The following RTN4IP1 variants were observed in gnomAD, a reference collection of about 807,000 sequenced individuals.
RTN4IP1 encodes reticulon 4 interacting protein 1, also known as NAD(P)H oxidoreductase RTN4IP1, mitochondrial.
In RTN4IP1, 32 loss-of-function variants were observed where a neutral mutation model predicts 46.6. That is an observed-to-expected ratio of 0.69 (90% CI 0.52 to 0.92). The LOEUF is 0.92. RTN4IP1 is among the 40% of genes least tolerant of loss of function. The pLI is 0.00. For synonymous variants in RTN4IP1, 167 were observed against 161.8 expected, an observed-to-expected ratio of 1.03 and a Z score of -0.24; for missense variants, 424 against 485.8, an observed-to-expected ratio of 0.87 and a Z score of 1.20.
Position 106,621,413 on chromosome 6 carries a change from T to G in RTN4IP1, c.495+12A>C, listed in dbSNP as rs1316218196. ...AACTTTCTAATGCATTTCAGCAGAG[T>G]TGGTAAGTTACCTCATTCCCACTGA... On this transcript the variant is annotated intron_variant, in intron 3 of 8. Transcript: ENST00000369063. 3.1e-6 allele frequency: 5 copies of G among 1,599,352 alleles called. No individual in the cohort carries two copies. The highest frequency in any genetic ancestry group is 4.3e-6 in the Non-Finnish European group (5 of 1,166,768).
intron 5 of RTN4IP1, among the ~76,000 whole-genome samples, chr6:106,597,758 A>G (rs1234693539): frequency 6.6e-6 from 1 of 150,390 alleles, no homozygotes; most frequent in Non-Finnish European, 1.5e-5. Flanking sequence ...GGTTAGTTAC[A>G]TATGTATACA....
At chr6:106,609,703 A>T (rs928039512) in intron 4 of RTN4IP1, among the ~76,000 whole-genome samples, 15 of 152,388 alleles carry the variant, frequency 9.8e-5, no homozygotes, top group African/African-American at 3.6e-4. Context: ...GATACTAAAT[A>T]TAATGGCTAC....
Position 106,605,609 on chromosome 6 carries a change from C to T in RTN4IP1, c.621-2687G>A, listed in dbSNP as rs369447454. 3.7e-4 allele frequency among the ~76,000 whole-genome samples: 56 copies of T among 151,678 alleles called. 2 individuals carry two copies. The South Asian group carries it at 0.011, about 29-fold the overall frequency. The stretch of plus-strand genomic sequence containing the variant: ...TGGGCAGATCACGAGGTCAGGAGAT[C>T]GAGACCATCCTGGCTAACATGGTGA... On this transcript the variant is annotated intron_variant, in intron 4 of 8. Coordinates refer to ENST00000369063, the MANE Select transcript of RTN4IP1 (RefSeq NM_032730.5).
chr6:106,602,779 C>A, intron 5 of RTN4IP1, 95 bp downstream of exon 5: 1 of 811,892 alleles, frequency 1.2e-6, no homozygotes, highest in East Asian at 2.8e-5. Flanking sequence ...CCAGACCTAC[C>A]TTTCTCTCAG....
At chr6:106,604,579 T>C (rs183192181) in intron 4 of RTN4IP1, among the ~76,000 whole-genome samples, 1 of 152,244 alleles carries the variant, frequency 6.6e-6, no homozygotes, top group East Asian at 1.9e-4. Flanking sequence ...TCAGAAGGAA[T>C]GCTATTTTCT....
chr6:106,580,876 A>T (rs1016757296), intron 8 of RTN4IP1, among the ~76,000 whole-genome samples: 1 of 152,126 alleles, frequency 6.6e-6, no homozygotes, highest in African/African-American at 2.4e-5. Flanking sequence ...GACTGAAATT[A>T]AACAAATTAT....
chr6:106,629,483 G>T lies in RTN4IP1; in HGVS notation c.-462C>A. 2 of 718,740 alleles carry T rather than the reference G, an allele frequency of 2.8e-6. No individual in the cohort carries two copies. Among genetic ancestry groups the T allele is most frequent in the Non-Finnish European group, 4.5e-6 (2 of 448,256 alleles). 44.5% of individuals were successfully genotyped at this position (718,740 alleles called of 1,614,324 possible). A position where few individuals can be genotyped will look rare whatever the true frequency, so the allele number is the denominator to read the frequency against. ...CCTTGCCTGCCCGCTCTCCTTAGCCGCCGGGATGGCTTTGCGGCGCCAACC... is the reference window on the plus strand; with the variant it reads ...CCTTGCCTGCCCGCTCTCCTTAGCCTCCGGGATGGCTTTGCGGCGCCAACC... On this transcript the variant is annotated 5_prime_UTR_variant, in exon 1 of 9. Transcript: ENST00000369063.
upstream of RTN4IP1, chr6:106,629,625 G>C (rs1776763871): frequency 1.0e-5 from 16 of 1,568,644 alleles, no homozygotes; most frequent in Non-Finnish European, 1.4e-5. Flanking sequence ...CTAGCGACCG[G>C]TGACCTCTTT....
chr6:106,598,655 A>G (rs189639948), intron 5 of RTN4IP1, among the ~76,000 whole-genome samples: 45 of 151,944 alleles, frequency 3.0e-4, no homozygotes, highest in Non-Finnish European at 5.7e-4. Flanking sequence ...CTGCCTGTTC[A>G]CTCTGATGGT....
At chr6:106,629,785 T>C, upstream of RTN4IP1, 1 of 1,528,182 alleles carries the variant, frequency 6.5e-7, no homozygotes, top group Non-Finnish European at 8.9e-7. Flanking sequence ...CCCTGGGCCT[T>C]ACCACGCATC....
At chr6:106,622,697 C>CAGA (rs1339814580) in intron 2 of RTN4IP1, 121 bp downstream of exon 2, 2 of 986,640 alleles carry the variant, frequency 2.0e-6, no homozygotes, top group East Asian at 5.3e-5. Context: ...ATTCAGGGAG[C>CAGA]AGAAGCCCCT....
chr6:106,574,180 C>T (rs1445347464), intron 8 of RTN4IP1, among the ~76,000 whole-genome samples: 1 of 152,148 alleles, frequency 6.6e-6, no homozygotes, highest in Non-Finnish European at 1.5e-5. Flanking sequence ...TGCAGTGGCT[C>T]ACATCTGTAA....
rs1431841889 is a variant in RTN4IP1 at position 106,571,206 on chromosome 6, A to C, written c.*790T>G. On this transcript the variant is annotated 3_prime_UTR_variant, in exon 9 of 9. Transcript: ENST00000369063. ...CAATATTAAGAGCATAAACAAATGA[A>C]TCACCAGGCAGATTTTTATATATGA... The C allele has an allele frequency of 6.6e-6, 1 of 152,240 alleles. No individual in the cohort carries two copies. The highest frequency in any genetic ancestry group is 1.5e-5 in the Non-Finnish European group (1 of 68,038). 9.4% of individuals were successfully genotyped at this position (152,240 alleles called of 1,614,324 possible).
chr6:106,572,293 C>G (rs1775087611), intron 8 of RTN4IP1, 190 bp from the exon 9 acceptor site: 2 of 588,380 alleles, frequency 3.4e-6, no homozygotes, highest in South Asian at 2.1e-5. Flanking sequence ...TGCTGCTTCT[C>G]TCTTTATGGC....
rs766597748 is a variant in RTN4IP1, at chr6:106,587,850, G to C, written c.819C>G (p.Ile273Met). The change falls in exon 7 of 9, where the codon ATC becomes ATG. Residue 273 changes from isoleucine (I) to methionine (M), a missense_variant. Coordinates refer to ENST00000369063, the MANE Select transcript of RTN4IP1 (RefSeq NM_032730.5). ...CAGTGGATCCGCCAACATTATCAAG[G>C]ATAAAATCAAATCTGGAGAGGAAGA... ...QLKSLKPFDFILDNVGGSTET... is the reference protein window; with the variant it reads ...QLKSLKPFDFMLDNVGGSTET... The C allele has an allele frequency of 6.2e-7, 1 of 1,612,106 alleles. No individual in the cohort carries two copies. Among genetic ancestry groups the C allele is most frequent in the Non-Finnish European group, 8.5e-7 (1 of 1,178,996 alleles).
chr6:106,585,675 A>G (rs1419654917), intron 7 of RTN4IP1, among the ~76,000 whole-genome samples: 2 of 152,222 alleles, frequency 1.3e-5, no homozygotes, highest in Non-Finnish European at 2.9e-5. Context: ...AGCAGGTAGG[A>G]GAGTCAGAAG....
chr6:106,611,609 T>A (rs983385417), intron 4 of RTN4IP1, among the ~76,000 whole-genome samples: 1 of 152,170 alleles, frequency 6.6e-6, no homozygotes, highest in Non-Finnish European at 1.5e-5. Flanking sequence ...GGAAAACAGA[T>A]AAAAGATAGC....
intron 1 of RTN4IP1, among the ~76,000 whole-genome samples, chr6:106,624,847 G>C (rs1582394564): frequency 6.7e-6 from 1 of 148,540 alleles, no homozygotes; most frequent in East Asian, 2.1e-4. Flanking sequence ...GAGGCAGGAG[G>C]ATTGCTTGAG....
chr6:106,613,527 T>C (rs778671270), intron 4 of RTN4IP1, among the ~76,000 whole-genome samples: 7 of 152,204 alleles, frequency 4.6e-5, no homozygotes, highest in Non-Finnish European at 1.0e-4. Context: ...CTAATCAGGA[T>C]TGTTCATTAA....
Sources: gnomAD v4.1 joint callset for allele counts (sites outside exome capture counted in the v4.1 genomes callset) on GRCh38, gnomAD v4.1.1 for gene constraint, MANE v1.5 for transcripts, NCBI Gene and HGNC (gene_info 2026-07-23, HGNC 2026-07-21) for gene names.